FOXP1: variants seen among roughly 807,000 people sequenced by gnomAD.
The protein encoded by FOXP1 is forkhead box P1, also known as forkhead box protein P1.
FOXP1 carries 15 observed loss-of-function variants against 98.2 expected under a neutral mutation model. The ratio of observed to expected loss-of-function variants is 0.15; its 90% CI spans 0.10 to 0.24. The LOEUF (loss-of-function observed/expected upper bound fraction) is 0.24. FOXP1 is among the 10% of genes least tolerant of loss of function. The pLI is 1.00. For missense variants in FOXP1, 633 were observed against 848.5 expected (o/e 0.75, Z 3.15); for synonymous variants, 371 against 314.5 (o/e 1.18, Z -1.90).
chr3:71,127,127 A>T (rs915118971), intron 6 of FOXP1, among the ~76,000 whole-genome samples: 3 of 152,156 alleles, frequency 2.0e-5, no homozygotes, highest in African/African-American at 7.2e-5. Context: ...TCAACGAAGG[A>T]GTCTGAACAG....
intron 2 of FOXP1, among the ~76,000 whole-genome samples, chr3:71,563,660 A>G (rs2046704286): frequency 6.6e-6 from 1 of 152,250 alleles, no homozygotes; most frequent in Non-Finnish European, 1.5e-5. Context: ...ATATGAGGAT[A>G]TATGTAACAC....
chr3:70,960,768 GA>G (rs1173974328), intron 20 of FOXP1, among the ~76,000 whole-genome samples: 1 of 151,842 alleles, frequency 6.6e-6, no homozygotes, highest in Non-Finnish European at 1.5e-5. Flanking sequence ...GGAACCTTCA[GA>G]ATCAATTGAC....
intron 4 of FOXP1, among the ~76,000 whole-genome samples, chr3:71,320,042 C>T (rs901992573): frequency 3.9e-5 from 6 of 152,104 alleles, no homozygotes; most frequent in African/African-American, 1.2e-4. Flanking sequence ...AAGGCTCTTT[C>T]CTGCCTTTGG....
chr3:71,546,380 C>A (rs1477325237), intron 2 of FOXP1, among the ~76,000 whole-genome samples: 1 of 152,156 alleles, frequency 6.6e-6, no homozygotes, highest in Non-Finnish European at 1.5e-5. Context: ...GTGTGACCCA[C>A]AAAACCGAAG....
At chr3:71,261,229 C>G (rs549189768) in intron 5 of FOXP1, among the ~76,000 whole-genome samples, 2 of 152,182 alleles carry the variant, frequency 1.3e-5, no homozygotes, top group East Asian at 3.9e-4. Flanking sequence ...AAGGTTTGGG[C>G]TATATTCTCT....
At chr3:71,522,383 G>A (rs1184652419) in intron 2 of FOXP1, among the ~76,000 whole-genome samples, 1 of 152,212 alleles carries the variant, frequency 6.6e-6, no homozygotes, top group Admixed American at 6.5e-5. Flanking sequence ...TGTTTTCCAA[G>A]AGAAGATAGG....
chr3:71,322,988 T>G (rs1385182933), intron 4 of FOXP1, among the ~76,000 whole-genome samples: 1 of 151,466 alleles, frequency 6.6e-6, no homozygotes, highest in African/African-American at 2.4e-5. Context: ...TTTTTTTTTT[T>G]GAGATGGAGT....
chr3:71,470,112 A>AT (rs1251767702), intron 3 of FOXP1, among the ~76,000 whole-genome samples: 13 of 152,120 alleles, frequency 8.5e-5, no homozygotes, highest in South Asian at 2.1e-4. Context: ...TAAAAAAGGA[A>AT]TTTTGAGTCT....
chr3:71,325,424 G>C (rs1355962260), intron 4 of FOXP1, among the ~76,000 whole-genome samples: 2 of 152,020 alleles, frequency 1.3e-5, no homozygotes, highest in Non-Finnish European at 2.9e-5. Context: ...AACACAACAG[G>C]TCTGAGATTG....
intron 6 of FOXP1, among the ~76,000 whole-genome samples, chr3:71,116,507 C>T (rs1364223948): frequency 6.6e-6 from 1 of 152,152 alleles, no homozygotes; most frequent in Non-Finnish European, 1.5e-5. Flanking sequence ...GATGGAGAGA[C>T]AACACTAGTG....
intron 2 of FOXP1, among the ~76,000 whole-genome samples, chr3:71,542,760 TACTC>T (rs2044971952): frequency 6.6e-6 from 1 of 152,126 alleles, no homozygotes; most frequent in Non-Finnish European, 1.5e-5. Context: ...AATAGACACA[TACTC>T]ACACTCCTCC....
At chr3:70,967,880 G>A (rs1348218711) in intron 19 of FOXP1, among the ~76,000 whole-genome samples, 1 of 151,892 alleles carries the variant, frequency 6.6e-6, no homozygotes, top group Non-Finnish European at 1.5e-5. Context: ...TCCAAGGTCA[G>A]AATGTGGCAA....
chr3:71,238,496 G>A (rs1251009062), intron 5 of FOXP1, among the ~76,000 whole-genome samples: 8 of 152,134 alleles, frequency 5.3e-5, no homozygotes, highest in Non-Finnish European at 1.0e-4. Context: ...CCAGGAGTGA[G>A]GACTCTGGGG....
chr3:71,530,515 C>A (rs914986755), intron 2 of FOXP1, among the ~76,000 whole-genome samples: 3 of 152,100 alleles, frequency 2.0e-5, no homozygotes, highest in Non-Finnish European at 2.9e-5. Flanking sequence ...GAAAGAAACC[C>A]CCTACACATT....
chr3:71,208,012 A>G (rs1304028918), intron 5 of FOXP1, among the ~76,000 whole-genome samples: 1 of 152,256 alleles, frequency 6.6e-6, no homozygotes, highest in Non-Finnish European at 1.5e-5. Flanking sequence ...ATGCATATTA[A>G]CTGTGTAGTT....
chr3:71,327,777 T>G (rs185807647), intron 4 of FOXP1, among the ~76,000 whole-genome samples: 141 of 152,324 alleles, frequency 9.3e-4, no homozygotes, highest in African/African-American at 3.2e-3. Flanking sequence ...CAAACCTGTA[T>G]GTTTACTGAT....
At chr3:71,479,726 CA>C (rs1247426523) in intron 3 of FOXP1, among the ~76,000 whole-genome samples, 1 of 149,248 alleles carries the variant, frequency 6.7e-6, no homozygotes, top group Non-Finnish European at 1.5e-5. Flanking sequence ...AAAGATAAAG[CA>C]AAAGACCATA....
chr3:71,016,689 ACATG>A (rs1379439039), intron 11 of FOXP1, among the ~76,000 whole-genome samples: 1 of 149,192 alleles, frequency 6.7e-6, no homozygotes, highest in African/African-American at 2.5e-5. Context: ...ACACACACAC[ACATG>A]CATACACACA....
chr3:71,467,048 T>C (rs920234952), intron 3 of FOXP1, among the ~76,000 whole-genome samples: 12 of 152,114 alleles, frequency 7.9e-5, no homozygotes, highest in Admixed American at 7.9e-4. Context: ...AGGAGGTGAC[T>C]GGGTACTTGG....
Sources: gnomAD v4.1 joint callset for allele counts (sites outside exome capture counted in the v4.1 genomes callset) on GRCh38, gnomAD v4.1.1 for gene constraint, MANE v1.5 for transcripts, NCBI Gene and HGNC (gene_info 2026-07-23, HGNC 2026-07-21) for gene names.